The following HERC3 variants were observed in gnomAD, a reference collection of about 807,000 sequenced individuals.
The protein encoded by HERC3 is probable E3 ubiquitin-protein ligase HERC3.
A neutral mutation model predicts 129.9 loss-of-function variants in HERC3; 58 were observed. The ratio of observed to expected loss-of-function variants is 0.45; its 90% CI spans 0.36 to 0.56. The LOEUF (loss-of-function observed/expected upper bound fraction) is 0.56. Ranked by LOEUF, HERC3 falls within the 20% of genes least tolerant of loss-of-function variation. The pLI is 0.00. For synonymous variants in HERC3, 430 were observed against 451.0 expected (o/e 0.95, Z 0.59); for missense variants, 835 against 1,244.2 (o/e 0.67, Z 4.95).
At chr4:88,608,889 T>C (rs943095422) in intron 3 of HERC3, among the ~76,000 whole-genome samples, 1 of 152,190 alleles carries the variant, frequency 6.6e-6, no homozygotes, top group African/African-American at 2.4e-5. Flanking sequence ...GGGAGTATTT[T>C]GGGAACTGGG....
intron 23 of HERC3, chr4:88,697,656 C>G (rs546717344): frequency 2.5e-6 from 4 of 1,613,420 alleles, no homozygotes; most frequent in East Asian, 2.2e-5. Context: ...AGTCTCCACC[C>G]TGCGCACCGC....
intron 2 of HERC3, among the ~76,000 whole-genome samples, chr4:88,602,644 A>G (rs938903599): frequency 2.0e-5 from 3 of 151,662 alleles, no homozygotes; most frequent in Non-Finnish European, 4.4e-5. Context: ...CACTTGGCTG[A>G]TTTTATTTTA....
the HERC3 span, among the ~76,000 whole-genome samples, chr4:88,585,413 G>A: frequency 2.0e-5 from 3 of 152,062 alleles, no homozygotes; most frequent in Non-Finnish European, 4.4e-5. Flanking sequence ...GGACCATGAT[G>A]GATAATATAA....
At chr4:88,640,226 A>G (rs1007317007) in intron 3 of HERC3, among the ~76,000 whole-genome samples, 1 of 152,256 alleles carries the variant, frequency 6.6e-6, no homozygotes, top group Non-Finnish European at 1.5e-5. Flanking sequence ...ATTACTGGGT[A>G]TATACCCAAA....
chr4:88,558,071 C>CAAAAAAAAAAAAAAAAAAAAAAA, the HERC3 span, among the ~76,000 whole-genome samples: 3 of 39,156 alleles, frequency 7.7e-5, no homozygotes, highest in Admixed American at 3.2e-4. Flanking sequence ...GACTCTGACT[C>CAAAAAAAAAAAAAAAAAAAAAAA]AAAAAAAAAA....
chr4:88,529,515 G>C, the HERC3 span, among the ~76,000 whole-genome samples: 75 of 152,206 alleles, frequency 4.9e-4, 1 homozygote, highest in South Asian at 0.015. Flanking sequence ...CAGCACTTTG[G>C]GAGGCCAAGG....
At chr4:88,698,239 C>G (rs187951871) in intron 23 of HERC3, among the ~76,000 whole-genome samples, 209 of 152,278 alleles carry the variant, frequency 1.4e-3, no homozygotes, top group African/African-American at 4.9e-3. Flanking sequence ...TCTTAGATTC[C>G]TCCGCATTCC....
the HERC3 span, among the ~76,000 whole-genome samples, chr4:88,579,965 T>C: frequency 6.6e-6 from 1 of 152,270 alleles, no homozygotes; most frequent in East Asian, 1.9e-4. Context: ...AAGCCAGCCT[T>C]GTCAATATGT....
chr4:88,533,525 A>G, the HERC3 span, among the ~76,000 whole-genome samples: 2 of 152,176 alleles, frequency 1.3e-5, no homozygotes, highest in Non-Finnish European at 2.9e-5. Context: ...GATGCTACTC[A>G]TACTACTATC....
Position 88,680,171 on chromosome 4 carries a change from T to C in HERC3, c.2275T>C (p.Leu759=), listed in dbSNP as rs1279648111. ...TTTTCTTTTGCTGTTAAAAGAACTT[T>C]TGAATCCCATCTATGGAATGTTTAC... The part of the protein sequence containing the change: ...EFFLLLLKEL[L]NPIYGMFTYY... Residue 759 remains leucine, a synonymous_variant, in exon 20 of 26, where the codon TTG becomes CTG. Coordinates refer to ENST00000402738, the MANE Select transcript of HERC3 (RefSeq NM_014606.3). The C allele has an allele frequency of 1.2e-6, 2 of 1,613,358 alleles. No homozygotes were observed. The highest frequency in any genetic ancestry group is 1.1e-5 in the South Asian group (1 of 90,948).
At chr4:88,654,387 T>TATATATATATAC (rs1321614619) in intron 7 of HERC3, among the ~76,000 whole-genome samples, 10 of 94,310 alleles carry the variant, frequency 1.1e-4, no homozygotes, top group Middle Eastern at 6.5e-3. Context: ...TATATATATA[T>TATATATATATAC]ACACACACAC....
intron 12 of HERC3, 108 bp from the exon 13 acceptor site, chr4:88,667,269 C>G: frequency 7.9e-6 from 4 of 507,138 alleles, no homozygotes; most frequent in Non-Finnish European, 1.4e-5. Context: ...TCTGCCAGAT[C>G]AAATTTAAAT....
the HERC3 span, among the ~76,000 whole-genome samples, chr4:88,534,192 C>A: frequency 4.6e-5 from 7 of 152,180 alleles, no homozygotes; most frequent in African/African-American, 7.2e-5. Flanking sequence ...GAATCGCAGA[C>A]CACACTTTTA....
At chr4:88,673,675 T>C in intron 16 of HERC3, among the ~76,000 whole-genome samples, 1 of 152,226 alleles carries the variant, frequency 6.6e-6, no homozygotes, top group East Asian at 1.9e-4. Context: ...TCATGCAGAT[T>C]TATTTTGTAT....
intron 2 of HERC3, among the ~76,000 whole-genome samples, chr4:88,604,098 G>A (rs1723342532): frequency 6.6e-6 from 1 of 151,280 alleles, no homozygotes; most frequent in South Asian, 2.1e-4. Flanking sequence ...TCAGCTCACT[G>A]CAACCTCTGC....
At chr4:88,563,802 G>A in the HERC3 span, among the ~76,000 whole-genome samples, 397 of 152,010 alleles carry the variant, frequency 2.6e-3, 5 homozygotes, top group Middle Eastern at 0.01. Flanking sequence ...GGGATTACAG[G>A]CATGCACCAC....
chr4:88,588,651 T>C (rs1018635161), upstream of HERC3, among the ~76,000 whole-genome samples: 6 of 152,322 alleles, frequency 3.9e-5, no homozygotes, highest in East Asian at 1.2e-3. Flanking sequence ...CAGAAATCTA[T>C]CTCTTTCAAA....
At chr4:88,596,399 T>C (rs1387737008) in intron 2 of HERC3, among the ~76,000 whole-genome samples, 2 of 152,220 alleles carry the variant, frequency 1.3e-5, no homozygotes, top group Admixed American at 1.3e-4. Flanking sequence ...GGGTGGGGGA[T>C]CTTTAACATT....
chr4:88,559,241 T>G, the HERC3 span, among the ~76,000 whole-genome samples: 1 of 152,234 alleles, frequency 6.6e-6, no homozygotes, highest in Non-Finnish European at 1.5e-5. Flanking sequence ...AATGGGTTAA[T>G]GTATCTATTA....
Sources: allele counts gnomAD v4.1 joint callset (sites outside exome capture counted in the v4.1 genomes callset), GRCh38; gene constraint gnomAD v4.1.1; transcripts MANE v1.5; gene names NCBI Gene and HGNC (gene_info 2026-07-23, HGNC 2026-07-21).